Variants in ACOX1 observed in about 807,000 individuals in gnomAD.
ACOX1 encodes the protein acyl-CoA oxidase 1, also known as peroxisomal acyl-coenzyme A oxidase 1.
Under a neutral mutation model 75.5 loss-of-function variants are expected in ACOX1, and 41 were observed. The ratio of observed to expected loss-of-function variants is 0.54; its 90% CI spans 0.42 to 0.70. The LOEUF is 0.70. ACOX1 is among the 30% of genes least tolerant of loss of function. The probability of loss-of-function intolerance (pLI) is 0.00; values close to 1 mark genes in which losing one functional copy is unlikely to be tolerated. For missense variants in ACOX1, 630 were observed against 837.5 expected (o/e 0.75, Z 3.06); for synonymous variants, 303 against 298.8 (o/e 1.01, Z -0.15).
rs1244353544 is a variant in ACOX1, at chr17:75,944,456, A to G, written c.*2292T>C. ...TTCCAAGGACTCCTAAAGTGACTGG[A>G]GCCACTCACAACTATTGGTACAACT... On this transcript the variant is annotated 3_prime_UTR_variant, in exon 14 of 14. Transcript: ENST00000293217. 1.2e-4 allele frequency: 18 copies of G among 152,148 alleles called. No homozygotes were observed. The highest frequency in any genetic ancestry group is 1.2e-3 in the Admixed American group (18 of 15,252). 9.4% of individuals were successfully genotyped at this position (152,148 alleles called of 1,614,324 possible).
intron 13 of ACOX1, among the ~76,000 whole-genome samples, chr17:75,947,248 G>GT (rs55857840): frequency 0.2 from 27,590 of 137,404 alleles, 4,061 homozygotes; most frequent in African/African-American, 0.42. Context: ...TGATGTCTTA[G>GT]TTTTTTTTTT....
chr17:75,950,849 G>A lies in ACOX1; in HGVS notation c.1223C>T (p.Pro408Leu). The A allele has an allele frequency of 6.2e-7, 1 of 1,614,082 alleles. No individual in the cohort carries two copies. The highest frequency in any genetic ancestry group is 8.5e-7 in the Non-Finnish European group (1 of 1,180,026). The change falls in exon 9 of 14, where the codon CCA (proline) becomes CTA (leucine). Residue 408 changes from proline to leucine, a missense_variant. Pro to Leu is a moderately conservative substitution (Grantham distance 98). This residue lies in a region of ACOX1 where 390 missense variants were observed against 574.9 expected (regional missense o/e 0.68). Coordinates refer to ENST00000293217, the MANE Select transcript of ACOX1 (RefSeq NM_004035.7). This position sits in a 1 kb window ranked among gnomAD's most constrained non-coding sequence, Gnocchi z 4.3. Reference protein sequence around the residue: ...GHGYSHCSGLPNIYVNFTPSC... With the variant: ...GHGYSHCSGLLNIYVNFTPSC... ...TGGGGTGAAATTGACATAAATATTT[G>A]GAAGACCACTGCAATGAGAATAGCC...
At chr17:75,952,843 A>G (rs1020934365) in intron 7 of ACOX1, among the ~76,000 whole-genome samples, 7 of 151,432 alleles carry the variant, frequency 4.6e-5, no homozygotes, top group African/African-American at 1.7e-4. Context: ...AAAAAAAAAA[A>G]AAAGAAAAGA....
At chr17:75,971,306 A>AG (rs1214175502) in intron 2 of ACOX1, among the ~76,000 whole-genome samples, 1 of 152,068 alleles carries the variant, frequency 6.6e-6, no homozygotes, top group African/African-American at 2.4e-5. Flanking sequence ...AAAAAAAAAA[A>AG]AATACCCAAA....
chr17:75,955,804 C>T (rs750853509), intron 5 of ACOX1, 24 bp downstream of exon 5: 3 of 1,614,052 alleles, frequency 1.9e-6, no homozygotes, highest in South Asian at 1.1e-5. Flanking sequence ...ATTTTCATCT[C>T]AACATCAGAT....
At chr17:75,968,464 G>GGCATGGT (rs1458918561) in intron 2 of ACOX1, among the ~76,000 whole-genome samples, 80 of 135,958 alleles carry the variant, frequency 5.9e-4, no homozygotes, top group African/African-American at 2.2e-3. Flanking sequence ...AAGTTAGCCG[G>GGCATGGT]GCATGGTGGA....
At chr17:75,977,707 ATTCAGAACTACTGGG>A (rs1291171368) in intron 2 of ACOX1, among the ~76,000 whole-genome samples, 1 of 152,240 alleles carries the variant, frequency 6.6e-6, no homozygotes, top group Non-Finnish European at 1.5e-5. Context: ...ACTGTCATGG[ATTCAGAACTACTGGG>A]TTCTTAGACT....
At chr17:75,968,264 G>A (rs1323667977) in intron 2 of ACOX1, among the ~76,000 whole-genome samples, 3 of 147,734 alleles carry the variant, frequency 2.0e-5, no homozygotes, top group Non-Finnish European at 3.0e-5. Flanking sequence ...GTGAAACCCC[G>A]TCTCTACTAA....
chr17:75,962,376 T>C (rs530121343), intron 2 of ACOX1, among the ~76,000 whole-genome samples: 1 of 152,328 alleles, frequency 6.6e-6, no homozygotes, highest in African/African-American at 2.4e-5. Context: ...GACAGGATTC[T>C]GTGTGAATTT....
In ACOX1 at chr17:75,953,461, T is replaced by C; in HGVS notation, c.934A>G (p.Ile312Val). ...RYSAVRHQSE[I>V]KPGEPEPQIL... ...GGACCCTATCCTTACCCTGGCTTGA[T>C]TTCAGACTGGTGCCTCACAGCGCTG... The change falls in exon 7 of 14, where the codon ATC becomes GTC. Residue 312 changes from isoleucine to valine, a missense_variant. This residue lies in a region of ACOX1 where 390 missense variants were observed against 574.9 expected (regional missense o/e 0.68). Coordinates refer to ENST00000293217, the MANE Select transcript of ACOX1 (RefSeq NM_004035.7). 2 of 1,613,862 alleles carry C rather than the reference T, an allele frequency of 1.2e-6. No individual in the cohort carries two copies. The highest frequency in any genetic ancestry group is 1.7e-6 in the Non-Finnish European group (2 of 1,179,828).
At chr17:75,968,670 C>T (rs2065964661) in intron 2 of ACOX1, among the ~76,000 whole-genome samples, 1 of 148,810 alleles carries the variant, frequency 6.7e-6, no homozygotes, top group African/African-American at 2.5e-5. Context: ...TGCCTGTAAT[C>T]CCAGCACTTT....
intron 4 of ACOX1, among the ~76,000 whole-genome samples, chr17:75,956,833 C>T (rs1295687576): frequency 6.8e-6 from 1 of 147,440 alleles, no homozygotes; most frequent in Non-Finnish European, 1.5e-5. Context: ...CTCTTGGGCT[C>T]AAGTGGTCCT....
chr17:75,947,544 T>G (rs1478651102), intron 13 of ACOX1, among the ~76,000 whole-genome samples: 1 of 152,124 alleles, frequency 6.6e-6, no homozygotes, highest in African/African-American at 2.4e-5. Flanking sequence ...ATGTCTTAGA[T>G]TTATTTCAAA....
intron 7 of ACOX1, 118 bp downstream of exon 7, chr17:75,953,333 C>T: frequency 2.5e-6 from 3 of 1,184,734 alleles, no homozygotes; most frequent in South Asian, 1.3e-5. Context: ...CCAGTTATCA[C>T]CCTAGCCAAT....
At chr17:75,959,143 C>A (rs2144268900) in intron 3 of ACOX1, among the ~76,000 whole-genome samples, 1 of 152,334 alleles carries the variant, frequency 6.6e-6, no homozygotes, top group Admixed American at 6.5e-5. Context: ...TACCAATCTG[C>A]TTTCATAACG....
intron 2 of ACOX1, among the ~76,000 whole-genome samples, chr17:75,964,541 A>G (rs1451982672): frequency 6.6e-6 from 1 of 152,200 alleles, no homozygotes; most frequent in African/African-American, 2.4e-5. Flanking sequence ...TCAGTAGGGC[A>G]GGGGTAAAAC....
Position 75,978,286 on chromosome 17 carries a change from G to C in ACOX1, c.269+248C>G, listed in dbSNP as rs1160572903. ...ATTTTTGTATTTTCAGTAGAGATGG[G>C]GTTTCACCGTGTTAGCCAGAATGGT... On this transcript the variant is annotated intron_variant, in intron 2 of 13. Transcript: ENST00000293217. This position sits in a 1 kb window ranked among gnomAD's most constrained non-coding sequence, Gnocchi z 4.2. 6.6e-6 allele frequency among the ~76,000 whole-genome samples: 1 copy of C among 152,060 alleles called. No homozygotes were observed. Among genetic ancestry groups the C allele is most frequent in the Non-Finnish European group, 1.5e-5 (1 of 68,016 alleles).
intron 10 of ACOX1, 24 bp from the exon 11 acceptor site, chr17:75,949,624 C>T (rs1259167924): frequency 1.2e-6 from 2 of 1,613,316 alleles, no homozygotes; most frequent in African/African-American, 2.7e-5. Context: ...GATTGGAGGT[C>T]TGAGGAAATG....
intron 2 of ACOX1, among the ~76,000 whole-genome samples, chr17:75,971,101 G>C (rs1356757540): frequency 2.6e-4 from 39 of 152,070 alleles, no homozygotes; most frequent in Admixed American, 2.6e-3. Flanking sequence ...AGACCAGCCT[G>C]ACCAACATGG....
Sources: allele counts gnomAD v4.1 joint callset (sites outside exome capture counted in the v4.1 genomes callset), GRCh38; gene constraint gnomAD v4.1.1; regional missense constraint gnomAD v4.1.1; non-coding constraint Gnocchi (gnomAD v3.1); transcripts MANE v1.5; gene names NCBI Gene and HGNC (gene_info 2026-07-23, HGNC 2026-07-21).